Variants in ACSM6 observed in about 807,000 individuals in gnomAD.
ACSM6 encodes acyl-CoA synthetase medium chain family member 6.
In ACSM6, 35 loss-of-function variants were observed where a neutral mutation model predicts 51.1. The ratio of observed to expected loss-of-function variants is 0.69; its 90% CI spans 0.52 to 0.91. ACSM6 has a LOEUF of 0.91. ACSM6 is among the 40% of genes least tolerant of loss of function. ACSM6 has a pLI of 0.00. For missense variants in ACSM6, 509 were observed against 584.1 expected (o/e 0.87, Z 1.32); for synonymous variants, 172 against 207.3 (o/e 0.83, Z 1.46).
intron 2 of ACSM6, among the ~76,000 whole-genome samples, chr10:95,194,896 C>A (rs2034710591): frequency 6.6e-6 from 1 of 152,200 alleles, no homozygotes; most frequent in Admixed American, 6.5e-5. Context: ...CAAACTTGGA[C>A]AAGTTATTTG....
rs139856449 is a variant in ACSM6, at chr10:95,204,842, C to T, written c.404-2366C>T. Among the ~76,000 whole-genome samples the T allele has an allele frequency of 5.3e-5, 8 of 152,264 alleles. No homozygotes were observed. In the East Asian group the frequency reaches 1.4e-3, roughly 26 times the overall value. ...AAAAAAGGAAAAAAAAGATGTACTA[C>T]ACTTAATGAAATTTTTAAAATTTCA... is the stretch of plus-strand genomic sequence containing the variant. On this transcript the variant is annotated intron_variant, in intron 3 of 10. Transcript: ENST00000341686.
At chr10:95,224,129 A>C (rs1221042243) in intron 9 of ACSM6, among the ~76,000 whole-genome samples, 1 of 152,222 alleles carries the variant, frequency 6.6e-6, no homozygotes, top group Non-Finnish European at 1.5e-5. Flanking sequence ...ACTAAATGCC[A>C]CTTCTTTTCC....
chr10:95,227,756 A>G lies in ACSM6; in HGVS notation c.1303-888A>G, dbSNP rs117113427. Among the ~76,000 whole-genome samples the G allele has an allele frequency of 2.7e-3, 417 of 152,348 alleles. 3 individuals are homozygous for G. The highest frequency in any genetic ancestry group is 9.5e-3 in the African/African-American group (397 of 41,584). On this transcript the variant is annotated intron_variant, in intron 10 of 10. Transcript: ENST00000341686. Reference sequence around the variant, plus strand: ...TGGACACATTGGTGACGTGGTCTCTATGGCAATGAGTCAAATGCTGTTAGA... The same window carrying G: ...TGGACACATTGGTGACGTGGTCTCTGTGGCAATGAGTCAAATGCTGTTAGA...
Position 95,227,178 on chromosome 10 carries a change from G to C in ACSM6, c.1303-1466G>C, listed in dbSNP as rs145097933. ...ATTTTTGTATTTTTAGTAGAAACAGGGTTTTACCATGTTGGCCAGGTTGGT... is the reference window on the plus strand; with the variant it reads ...ATTTTTGTATTTTTAGTAGAAACAGCGTTTTACCATGTTGGCCAGGTTGGT... On this transcript the variant is annotated intron_variant, in intron 10 of 10. Transcript: ENST00000341686. Among the ~76,000 whole-genome samples, 20 of 151,996 alleles carry C rather than the reference G, an allele frequency of 1.3e-4. No individual in the cohort carries two copies. The East Asian group carries it at 1.4e-3, about 10-fold the overall frequency.
intron 8 of ACSM6, among the ~76,000 whole-genome samples, chr10:95,219,510 C>G (rs2034974210): frequency 6.6e-6 from 1 of 152,174 alleles, no homozygotes; most frequent in Admixed American, 6.5e-5. Flanking sequence ...ACCATTTGTT[C>G]CAATTAAGCA....
intron 10 of ACSM6, among the ~76,000 whole-genome samples, chr10:95,227,433 C>T (rs559148613): frequency 1.3e-5 from 2 of 152,250 alleles, no homozygotes; most frequent in Admixed American, 6.5e-5. Flanking sequence ...TCTTTAAATG[C>T]CTCTTTGAGT....
intron 2 of ACSM6, among the ~76,000 whole-genome samples, chr10:95,197,765 G>A (rs2034748486): frequency 6.6e-6 from 1 of 152,178 alleles, no homozygotes; most frequent in African/African-American, 2.4e-5. Context: ...CCTCAGCACA[G>A]ACCCTTTACG....
chr10:95,202,008 C>T (rs750778872), exon 3 of ACSM6: 22 of 1,551,550 alleles, frequency 1.4e-5, no homozygotes, highest in East Asian at 2.4e-5. Context: ...GGCCTTACCC[C>T]GCCCTCTGGA....
exon 3 of ACSM6, chr10:95,202,066 A>T (rs1191854499): frequency 6.4e-7 from 1 of 1,551,804 alleles, no homozygotes; most frequent in Non-Finnish European, 8.7e-7. Context: ...TGAAAGGATG[A>T]CTCAACTCTC....
At chr10:95,225,616 G>A (rs2035029850) in intron 10 of ACSM6, 3 of 413,744 alleles carry the variant, frequency 7.3e-6, no homozygotes, top group Non-Finnish European at 1.3e-5. Flanking sequence ...TGAGACATTT[G>A]GGAGTAAATG....
chr10:95,214,538 T>C (rs2034925114), intron 7 of ACSM6, among the ~76,000 whole-genome samples: 1 of 152,178 alleles, frequency 6.6e-6, no homozygotes, highest in African/African-American at 2.4e-5. Flanking sequence ...ACTTCTGGCT[T>C]TGGGAGAGGT....
intron 2 of ACSM6, among the ~76,000 whole-genome samples, chr10:95,199,492 T>C (rs1428628039): frequency 6.6e-6 from 1 of 151,856 alleles, no homozygotes; most frequent in Admixed American, 6.6e-5. Flanking sequence ...AAAGCCAAAA[T>C]TGACAAATGG....
chr10:95,219,540 G>T (rs2034974586), intron 8 of ACSM6, among the ~76,000 whole-genome samples: 1 of 152,152 alleles, frequency 6.6e-6, no homozygotes, highest in African/African-American at 2.4e-5. Flanking sequence ...TGGCTAGTTG[G>T]TAAGACTTTT....
At chr10:95,221,393 C>T (rs2034994108) in intron 9 of ACSM6, among the ~76,000 whole-genome samples, 1 of 152,156 alleles carries the variant, frequency 6.6e-6, no homozygotes, top group South Asian at 2.1e-4. Flanking sequence ...TCAAGACCAT[C>T]CTGGCCAACA....
chr10:95,207,226 G>C (rs1341623976), exon 4 of ACSM6: 1 of 1,614,038 alleles, frequency 6.2e-7, no homozygotes, highest in East Asian at 2.2e-5. Context: ...TTTGTGCCTG[G>C]GAGCCCCCAG....
At chr10:95,227,350 C>A (rs1364079240) in intron 10 of ACSM6, among the ~76,000 whole-genome samples, 2 of 152,082 alleles carry the variant, frequency 1.3e-5, no homozygotes, top group Non-Finnish European at 2.9e-5. Context: ...AACATACCTG[C>A]TATTGTTGAA....
chr10:95,195,671 T>C (rs1169460848), intron 2 of ACSM6, among the ~76,000 whole-genome samples: 4 of 152,172 alleles, frequency 2.6e-5, no homozygotes, highest in African/African-American at 9.7e-5. Flanking sequence ...TAATATCTGA[T>C]TGCCCCTCTA....
chr10:95,222,542 G>C (rs1171595944), intron 9 of ACSM6, among the ~76,000 whole-genome samples: 1 of 151,664 alleles, frequency 6.6e-6, no homozygotes, highest in African/African-American at 2.4e-5. Flanking sequence ...AGAATCACTT[G>C]AACGCGGGAG....
chr10:95,225,369 C>T, exon 10 of ACSM6: 1 of 1,550,678 alleles, frequency 6.4e-7, no homozygotes, highest in Middle Eastern at 1.7e-4. Context: ...AACCAACCTG[C>T]TTCTCTGTAC....
Sources: gnomAD v4.1 joint callset for allele counts (sites outside exome capture counted in the v4.1 genomes callset) on GRCh38, gnomAD v4.1.1 for gene constraint, MANE v1.5 for transcripts, NCBI Gene and HGNC (gene_info 2026-07-23, HGNC 2026-07-21) for gene names.